Variants in CDC123 observed in about 807,000 individuals in gnomAD.
The protein encoded by CDC123 is translation initiation factor eIF2 assembly protein.
In CDC123, 37 loss-of-function variants were observed where a neutral mutation model predicts 54.4. The ratio of observed to expected loss-of-function variants is 0.68; its 90% CI spans 0.52 to 0.89. The LOEUF (loss-of-function observed/expected upper bound fraction) is 0.89, where lower values mean the gene tolerates loss of function less well. Ranked by LOEUF, CDC123 falls within the 40% of genes least tolerant of loss-of-function variation. The probability of loss-of-function intolerance (pLI) is 0.00; values close to 1 mark genes in which losing one functional copy is unlikely to be tolerated. For missense variants in CDC123, 361 were observed against 412.1 expected, an observed-to-expected ratio of 0.88 and a Z score of 1.07; for synonymous variants, 144 against 136.8, an observed-to-expected ratio of 1.05 and a Z score of -0.37.
intron 2 of CDC123, among the ~76,000 whole-genome samples, chr10:12,202,240 T>C (rs887298597): frequency 6.6e-6 from 1 of 152,236 alleles, no homozygotes; most frequent in African/African-American, 2.4e-5. Context: ...TGGAACACTT[T>C]CATTCCCCAG....
intron 6 of CDC123, among the ~76,000 whole-genome samples, chr10:12,220,908 C>T (rs1044804551): frequency 8.6e-5 from 13 of 151,402 alleles, no homozygotes; most frequent in Admixed American, 5.3e-4. Flanking sequence ...ACCCGGGAGG[C>T]GGAGCTTGCA....
rs138912400 is a variant in CDC123, at chr10:12,210,321, C to T, written c.236C>T (p.Thr79Met). 38 of 1,614,014 alleles carry T rather than the reference C, an allele frequency of 2.4e-5. 1 individual carries two copies. The South Asian group carries it at 2.5e-4, about 11-fold the overall frequency. ...GATGATGAGAACACAGCCACGCTTA[C>T]GGTAAGAGCACAGCAGACTCAGCGT... ...WSDDENTATL[T>M]APEFPEFATK... Residue 79 changes from threonine (T) to methionine (M), a missense_variant and splice_region_variant, in exon 4 of 13, where the codon ACG (threonine) becomes ATG (methionine). Physicochemically the swap from Thr to Met is moderately conservative, Grantham distance 81. Coordinates refer to ENST00000281141, the MANE Select transcript of CDC123 (RefSeq NM_006023.3).
In CDC123 at chr10:12,210,329, G is replaced by C. The variant is rs748983765; in HGVS notation, c.237+7G>C. The C allele has an allele frequency of 3.1e-5, 50 of 1,614,088 alleles. No homozygotes were observed. The highest frequency in any genetic ancestry group is 4.0e-5 in the Non-Finnish European group (47 of 1,179,998). On this transcript the variant is annotated splice_region_variant and intron_variant, in intron 4 of 12. Transcript: ENST00000281141. ...GAACACAGCCACGCTTACGGTAAGAGCACAGCAGACTCAGCGTGGGGACAG... is the reference window on the plus strand; with the variant it reads ...GAACACAGCCACGCTTACGGTAAGACCACAGCAGACTCAGCGTGGGGACAG...
At position 12,220,527 on chromosome 10, in the gene CDC123, G is replaced by C. The variant is rs576001058; in HGVS notation, c.440+3060G>C. Among the ~76,000 whole-genome samples the C allele has an allele frequency of 4.6e-5, 7 of 152,364 alleles. No homozygotes were observed. The East Asian group carries it at 1.3e-3, about 29-fold the overall frequency. The stretch of plus-strand genomic sequence containing the variant: ...CACTGGGCTTTCAGCCTTTTAGCTG[G>C]GCGCTACTAACGTGTCACTTTGTCT... On this transcript the variant is annotated intron_variant, in intron 6 of 12. Transcript: ENST00000281141.
At chr10:12,242,788 A>G (rs1320485748) in intron 10 of CDC123, among the ~76,000 whole-genome samples, 2 of 152,078 alleles carry the variant, frequency 1.3e-5, no homozygotes, top group East Asian at 1.9e-4. Flanking sequence ...CTAAAAATAC[A>G]AAAGTTAGTC....
chr10:12,211,875 A>G (rs118039617), intron 4 of CDC123, among the ~76,000 whole-genome samples: 5,810 of 152,246 alleles, frequency 0.038, 174 homozygotes, highest in Non-Finnish European at 0.056. Flanking sequence ...TTGGGAGGCC[A>G]AGGTGGGTGG....
chr10:12,200,120 A>ATTTTTT (rs543337462), intron 2 of CDC123, among the ~76,000 whole-genome samples: 5 of 59,368 alleles, frequency 8.4e-5, no homozygotes, highest in Non-Finnish European at 1.2e-4. Flanking sequence ...CGCACTCGGC[A>ATTTTTT]TTTTTTTTTT....
chr10:12,211,243 G>C, intron 4 of CDC123, among the ~76,000 whole-genome samples: 1 of 1,934 alleles, frequency 5.2e-4, no homozygotes, highest in Admixed American at 0.019. Flanking sequence ...CTCATACCTT[G>C]AGTTGACGGG....
At chr10:12,231,206 C>T (rs1297042819) in intron 7 of CDC123, among the ~76,000 whole-genome samples, 1 of 152,184 alleles carries the variant, frequency 6.6e-6, no homozygotes. Flanking sequence ...GCAGTATACA[C>T]TTGCTACAGG....
At chr10:12,247,843 AC>A (rs1453304832) in intron 11 of CDC123, 1 of 152,076 alleles carries the variant, frequency 6.6e-6, no homozygotes, top group African/African-American at 2.4e-5. Flanking sequence ...TACTAAAAAT[AC>A]AAAAAAAAAA....
Position 12,213,564 on chromosome 10 carries a change from G to GT in CDC123, c.238-2164dup, listed in dbSNP as rs570155287. ...TGCCTGGACCAGAAAAAAAGTTTCA[G>GT]TTTTTTTTTTTTCTGTAGAAGACGT... On this transcript the variant is annotated intron_variant, in intron 4 of 12. Transcript: ENST00000281141. Among the ~76,000 whole-genome samples, 1,154 of 146,070 alleles carry GT rather than the reference G, an allele frequency of 7.9e-3. 4 individuals carry two copies. The highest frequency in any genetic ancestry group is 0.012 in the South Asian group (55 of 4,602).
chr10:12,249,966 G>C (rs1836218979), intron 12 of CDC123: 1 of 510,674 alleles, frequency 2.0e-6, no homozygotes, highest in East Asian at 3.3e-5. Context: ...CAAAATACTT[G>C]TAACTTTGAA....
chr10:12,248,751 A>C (rs1836194528), intron 11 of CDC123, among the ~76,000 whole-genome samples: 1 of 151,592 alleles, frequency 6.6e-6, no homozygotes, highest in Non-Finnish European at 1.5e-5. Context: ...GGTTGCGATG[A>C]GCTGAGATTG....
intron 9 of CDC123, 178 bp downstream of exon 9, chr10:12,237,444 A>ATTATTTTTTTTTTT (rs1564257507): frequency 2.2e-6 from 1 of 456,034 alleles, no homozygotes; most frequent in African/African-American, 2.1e-5. Flanking sequence ...TATTATTATT[A>ATTATTTTTTTTTTT]TTTTTATTTG....
chr10:12,224,201 T>TAA (rs570026616), intron 6 of CDC123, among the ~76,000 whole-genome samples: 47 of 141,424 alleles, frequency 3.3e-4, no homozygotes, highest in African/African-American at 1.1e-3. Context: ...TTTTGTTCCT[T>TAA]AAAAAAAAAA....
chr10:12,206,188 A>G (rs1264082071), intron 2 of CDC123, among the ~76,000 whole-genome samples: 1 of 152,220 alleles, frequency 6.6e-6, no homozygotes, highest in African/African-American at 2.4e-5. Context: ...TTTCTGAAGA[A>G]CTATATGAAT....
chr10:12,249,046 G>T (rs1836199064), intron 11 of CDC123, among the ~76,000 whole-genome samples: 2 of 151,832 alleles, frequency 1.3e-5, no homozygotes. Flanking sequence ...GGGAGGCAGA[G>T]GTTGCAGTGA....
intron 1 of CDC123, 150 bp downstream of exon 1, chr10:12,196,469 G>A: frequency 9.1e-7 from 1 of 1,097,458 alleles, no homozygotes; most frequent in South Asian, 1.4e-5. Flanking sequence ...AATTGTCTGC[G>A]TCCTGTTGCG....
chr10:12,228,977 A>G (rs914297088), intron 6 of CDC123, among the ~76,000 whole-genome samples: 1 of 152,162 alleles, frequency 6.6e-6, no homozygotes, highest in African/African-American at 2.4e-5. Flanking sequence ...AGCCTCCCAG[A>G]GTGCTGGGAG....
Sources: allele counts gnomAD v4.1 joint callset (sites outside exome capture counted in the v4.1 genomes callset), GRCh38; gene constraint gnomAD v4.1.1; transcripts MANE v1.5; gene names NCBI Gene and HGNC (gene_info 2026-07-23, HGNC 2026-07-21).